TNFRSF10B: variants seen among roughly 807,000 people sequenced by gnomAD.
The protein encoded by TNFRSF10B is tumor necrosis factor receptor superfamily member 10B.
Under a neutral mutation model 41.4 loss-of-function variants are expected in TNFRSF10B, and 35 were observed. The ratio of observed to expected loss-of-function variants is 0.85; its 90% CI spans 0.65 to 1.12. The LOEUF (loss-of-function observed/expected upper bound fraction) is 1.12, where lower values mean the gene tolerates loss of function less well. Ranked by LOEUF, TNFRSF10B falls within the 50% of genes most tolerant of loss-of-function variation. The probability of loss-of-function intolerance (pLI) is 0.00; values close to 1 mark genes in which losing one functional copy is unlikely to be tolerated. For synonymous variants in TNFRSF10B, 230 were observed against 215.5 expected, an observed-to-expected ratio of 1.07 and a Z score of -0.59; for missense variants, 584 against 552.7, an observed-to-expected ratio of 1.06 and a Z score of -0.57.
At chr8:23,045,938 A>G (rs1193068831) in intron 1 of TNFRSF10B, among the ~76,000 whole-genome samples, 1 of 141,610 alleles carries the variant, frequency 7.1e-6, no homozygotes, top group African/African-American at 2.6e-5. Context: ...GAATGTATCA[A>G]CACAAAAAAA....
rs1811496186 is a variant in TNFRSF10B at position 23,020,851 on chromosome 8, A to G, written c.*1820T>C. On this transcript the variant is annotated 3_prime_UTR_variant, in exon 9 of 9. Transcript: ENST00000276431. ...GCGTCCTGCACAGAAGGCCCAGCAAAGGCAAAGACCAGGAGGCAGCAGCAC... is the reference window on the plus strand; with the variant it reads ...GCGTCCTGCACAGAAGGCCCAGCAAGGGCAAAGACCAGGAGGCAGCAGCAC... 2.2e-6 allele frequency: 1 copy of G among 454,120 alleles called. No individual in the cohort carries two copies. The highest frequency in any genetic ancestry group is 4.4e-6 in the Non-Finnish European group (1 of 226,774). 28.1% of individuals were successfully genotyped at this position (454,120 alleles called of 1,614,324 possible). A position where few individuals can be genotyped will look rare whatever the true frequency, so the allele number is the denominator to read the frequency against.
intron 1 of TNFRSF10B, chr8:23,049,827 A>G (rs905340111): frequency 5.3e-5 from 8 of 152,342 alleles, no homozygotes; most frequent in African/African-American, 1.7e-4. Context: ...CTTATTGGGC[A>G]GCGAGATTCA....
intron 1 of TNFRSF10B, among the ~76,000 whole-genome samples, chr8:23,043,586 G>A (rs1307578883): frequency 6.6e-6 from 1 of 152,128 alleles, no homozygotes; most frequent in Non-Finnish European, 1.5e-5. Context: ...CCATAGGTAT[G>A]CCTATTCTCT....
rs771771088 is a variant in TNFRSF10B, at chr8:23,068,875, T to C, written c.20A>G (p.Asn7Ser). 6.2e-7 allele frequency: 1 copy of C among 1,613,426 alleles called. No homozygotes were observed. Among genetic ancestry groups the C allele is most frequent in the Non-Finnish European group, 8.5e-7 (1 of 1,179,942 alleles). MEQRGQNAPAASGARKR... is the reference protein window; with the variant it reads MEQRGQSAPAASGARKR... ...CCGGGCCCCCGAAGCGGCCGGGGCG[T>C]TCTGTCCCCGTTGTTCCATGGCGGT... The change falls in exon 1 of 9, where the codon AAC (asparagine) becomes AGC (serine). Residue 7 changes from asparagine (N) to serine (S), a missense_variant. Coordinates refer to ENST00000276431, the MANE Select transcript of TNFRSF10B (RefSeq NM_003842.5).
intron 1 of TNFRSF10B, among the ~76,000 whole-genome samples, chr8:23,066,538 C>T (rs986682482): frequency 3.3e-5 from 5 of 152,154 alleles, no homozygotes; most frequent in East Asian, 1.9e-4. Context: ...AACATTCTAA[C>T]GTAAATATAA....
rs76165415 is a variant in TNFRSF10B, at chr8:23,027,493, G to T, written c.781-205C>A. Reference sequence around the variant, plus strand: ...TGCTCAGGCAGACACCCCATCCCTAGGGTGCAGGCTGTGGGGTGAGGATGT... The same window carrying T: ...TGCTCAGGCAGACACCCCATCCCTATGGTGCAGGCTGTGGGGTGAGGATGT... On this transcript the variant is annotated intron_variant, in intron 6 of 8. Transcript: ENST00000276431. 4,811 of 787,682 alleles carry T rather than the reference G, an allele frequency of 6.1e-3. 28 individuals are homozygous for T. Among genetic ancestry groups the T allele is most frequent in the Non-Finnish European group, 8.5e-3 (4,143 of 488,020 alleles). The allele number at this position is 787,682 out of a possible 1,614,324, so 48.8% of individuals were successfully genotyped here. A position where few individuals can be genotyped will look rare whatever the true frequency, so the allele number is the denominator to read the frequency against.
rs190319785 is a variant in TNFRSF10B, at chr8:23,046,264, A to G, written c.145-3021T>C. 6.7e-4 allele frequency among the ~76,000 whole-genome samples: 102 copies of G among 152,310 alleles called. 1 individual carries two copies. Among genetic ancestry groups the G allele is most frequent in the African/African-American group, 2.4e-3 (98 of 41,578 alleles). On this transcript the variant is annotated intron_variant, in intron 1 of 8. Coordinates refer to ENST00000276431, the MANE Select transcript of TNFRSF10B (RefSeq NM_003842.5). ...AGGTTGTGGGATACAAAATCAACATATGAAAATCAGTAGCATTTCTATATA... is the reference window on the plus strand; with the variant it reads ...AGGTTGTGGGATACAAAATCAACATGTGAAAATCAGTAGCATTTCTATATA...
chr8:23,030,725 C>T (rs975111122), intron 3 of TNFRSF10B, 34 bp downstream of exon 3: 4 of 1,543,286 alleles, frequency 2.6e-6, no homozygotes, highest in Non-Finnish European at 3.6e-6. Flanking sequence ...ACCCCGCATT[C>T]CACCTTTAGG....
intron 1 of TNFRSF10B, among the ~76,000 whole-genome samples, chr8:23,044,501 T>C (rs1812297260): frequency 2.0e-5 from 3 of 152,058 alleles, no homozygotes; most frequent in East Asian, 1.9e-4. Context: ...GATTAAGAAA[T>C]GAACAAAGAA....
intron 1 of TNFRSF10B, among the ~76,000 whole-genome samples, chr8:23,053,731 AG>A (rs1285950983): frequency 6.6e-6 from 1 of 152,222 alleles, no homozygotes; most frequent in East Asian, 1.9e-4. Context: ...TGTGTCTATA[AG>A]GTTTTATTAA....
chr8:23,031,912 AT>A (rs1554508518), intron 2 of TNFRSF10B, among the ~76,000 whole-genome samples: 24 of 27,826 alleles, frequency 8.6e-4, no homozygotes, highest in Admixed American at 1.7e-3. Context: ...TTGCAGTAGC[AT>A]TTTTTTTTTT....
At chr8:23,055,219 T>C (rs1188894282) in intron 1 of TNFRSF10B, among the ~76,000 whole-genome samples, 5 of 152,110 alleles carry the variant, frequency 3.3e-5, no homozygotes, top group African/African-American at 1.2e-4. Context: ...AAACTAGGTG[T>C]TTCAGCAGGC....
intron 4 of TNFRSF10B, among the ~76,000 whole-genome samples, chr8:23,028,807 C>T (rs185645456): frequency 2.6e-5 from 4 of 152,186 alleles, no homozygotes; most frequent in African/African-American, 9.7e-5. Flanking sequence ...CCCTCGGCCT[C>T]CCTGCTCTGG....
chr8:23,034,787 CCA>C (rs1811984623), intron 2 of TNFRSF10B, among the ~76,000 whole-genome samples: 1 of 152,252 alleles, frequency 6.6e-6, no homozygotes, highest in African/African-American at 2.4e-5. Flanking sequence ...ATCATTACCA[CCA>C]TCCAGGATGC....
chr8:23,023,476 A>T (rs1811605587), intron 8 of TNFRSF10B, among the ~76,000 whole-genome samples: 1 of 151,714 alleles, frequency 6.6e-6, no homozygotes, highest in South Asian at 2.1e-4. Context: ...GGGCAGAGCT[A>T]GGTGGAGGCA....
At chr8:23,067,184 G>C (rs952732351) in intron 1 of TNFRSF10B, among the ~76,000 whole-genome samples, 2 of 151,930 alleles carry the variant, frequency 1.3e-5, no homozygotes, top group African/African-American at 4.8e-5. Flanking sequence ...CACCATGTTG[G>C]TCAGGCTGGT....
At chr8:23,062,880 T>C (rs1812871750) in intron 1 of TNFRSF10B, among the ~76,000 whole-genome samples, 1 of 152,252 alleles carries the variant, frequency 6.6e-6, no homozygotes, top group Non-Finnish European at 1.5e-5. Flanking sequence ...GATTGATTCA[T>C]CTCCACTACT....
intron 2 of TNFRSF10B, among the ~76,000 whole-genome samples, chr8:23,038,148 G>C (rs879277332): frequency 3.3e-5 from 5 of 152,222 alleles, no homozygotes; most frequent in Admixed American, 6.5e-5. Flanking sequence ...TTCCACAATG[G>C]ACGTAAGGAA....
intron 1 of TNFRSF10B, chr8:23,068,352 G>T (rs907745080): frequency 4.2e-5 from 11 of 264,494 alleles, no homozygotes; most frequent in Admixed American, 1.0e-4. Flanking sequence ...AGAAATTAAG[G>T]CAGGAACTGA....
Sources: gnomAD v4.1 joint callset for allele counts (sites outside exome capture counted in the v4.1 genomes callset) on GRCh38, gnomAD v4.1.1 for gene constraint, MANE v1.5 for transcripts, NCBI Gene and HGNC (gene_info 2026-07-23, HGNC 2026-07-21) for gene names.